Variants in ABCB1 observed in about 807,000 individuals in gnomAD.
ABCB1 encodes the protein ATP-dependent translocase ABCB1.
Under a neutral mutation model 142.0 loss-of-function variants are expected in ABCB1, and 69 were observed. The observed-to-expected ratio is 0.49, with a 90% CI of 0.40 to 0.59. The LOEUF (loss-of-function observed/expected upper bound fraction) is 0.59, where lower values mean the gene tolerates loss of function less well. Among genes scored for constraint, ABCB1 ranks in the 20% least tolerant of loss-of-function variants. The pLI, the probability that ABCB1 is intolerant of heterozygous loss-of-function variation, is 0.00. For missense variants in ABCB1, 1,326 were observed against 1,554.7 expected, an observed-to-expected ratio of 0.85 and a Z score of 2.47; for synonymous variants, 532 against 539.2, an observed-to-expected ratio of 0.99 and a Z score of 0.18.
At position 87,509,375 on chromosome 7, in the gene ABCB1, T is replaced by A. The variant is rs765229328; in HGVS notation, c.3389A>T (p.Asn1130Ile). The A allele has an allele frequency of 6.2e-7, 1 of 1,614,178 alleles. No homozygotes were observed. The highest frequency in any genetic ancestry group is 8.5e-7 in the Non-Finnish European group (1 of 1,180,024). ...PILFDCSIAE[N>I]IAYGDNSRVV... ...CCGGCTGTTGTCTCCATAGGCAATG[T>A]TCTCAGCAATGCTGCAGTCAAACAG... The change falls in exon 26 of 28, where the codon AAC becomes ATC. Residue 1130 changes from asparagine (N) to isoleucine (I), a missense_variant. Asn to Ile is a moderately radical substitution (Grantham distance 149, BLOSUM62 -3). Coordinates refer to ENST00000622132, the MANE Select transcript of ABCB1 (RefSeq NM_001348946.2).
At chr7:87,628,558 C>T in intron 1 of ABCB1, 1 of 319,566 alleles carries the variant, frequency 3.1e-6, no homozygotes, top group Non-Finnish European at 5.6e-6. Context: ...CGGCGGCGCG[C>T]CGAGGGCGGA....
At chr7:87,568,266 T>TAATAATAATAAAAA (rs377151956) in intron 5 of ABCB1, among the ~76,000 whole-genome samples, 6 of 145,644 alleles carry the variant, frequency 4.1e-5, no homozygotes, top group Non-Finnish European at 6.0e-5. Context: ...ATAATAATAA[T>TAATAATAATAAAAA]AAAAATTAGC....
intron 1 of ABCB1, among the ~76,000 whole-genome samples, chr7:87,661,348 G>C (rs913888506): frequency 2.0e-5 from 3 of 151,436 alleles, no homozygotes; most frequent in Non-Finnish European, 2.9e-5. Flanking sequence ...TCAAATACTA[G>C]ATCTTATTAG....
In ABCB1 at chr7:87,556,356, A is replaced by G. The variant is rs567540668; in HGVS notation, c.828-2424T>C. Among the ~76,000 whole-genome samples, 38 of 152,366 alleles carry G rather than the reference A, an allele frequency of 2.5e-4. 1 individual carries two copies. Among genetic ancestry groups the G allele is most frequent in the African/African-American group, 9.1e-4 (38 of 41,582 alleles). Reference sequence around the variant, plus strand: ...AAAGAGAGAAAAATATTTTTAAGTGAAAAGGAACAAAACTATTCTATACGA... The same window carrying G: ...AAAGAGAGAAAAATATTTTTAAGTGGAAAGGAACAAAACTATTCTATACGA... On this transcript the variant is annotated intron_variant, in intron 8 of 27. Coordinates refer to ENST00000622132, the MANE Select transcript of ABCB1 (RefSeq NM_001348946.2).
In ABCB1 at chr7:87,566,918, C is replaced by A; in HGVS notation, c.397G>T (p.Val133Phe). 1.9e-6 allele frequency: 3 copies of A among 1,614,104 alleles called. No individual in the cohort carries two copies. Among genetic ancestry groups the A allele is most frequent in the Non-Finnish European group, 2.5e-6 (3 of 1,179,998 alleles). ...AGVLVAAYIQ[V>F]SFWCLAAGRQ... Reference sequence around the variant, plus strand: ...CCAGCTGCCAGGCACCAAAATGAAACCTGAATGTAAGCAGCAACCAGCACC... The same window carrying A: ...CCAGCTGCCAGGCACCAAAATGAAAACTGAATGTAAGCAGCAACCAGCACC... The change falls in exon 6 of 28, where the codon GTT (valine) becomes TTT (phenylalanine). Residue 133 changes from valine to phenylalanine, a missense_variant. Physicochemically the swap from Val to Phe is conservative, Grantham distance 50. Transcript: ENST00000622132.
chr7:87,558,186 TGAATAG>T (rs1817386794), intron 8 of ABCB1, among the ~76,000 whole-genome samples: 1 of 152,214 alleles, frequency 6.6e-6, no homozygotes, highest in Non-Finnish European at 1.5e-5. Context: ...GTGCCCTTGG[TGAATAG>T]CAGAAGCAAA....
chr7:87,638,970 G>A (rs1044223672), intron 1 of ABCB1, among the ~76,000 whole-genome samples: 1 of 152,014 alleles, frequency 6.6e-6, no homozygotes, highest in African/African-American at 2.4e-5. Context: ...GGCTAACACG[G>A]TGAAACCCCG....
intron 1 of ABCB1, among the ~76,000 whole-genome samples, chr7:87,667,912 T>C (rs1825428271): frequency 6.6e-6 from 1 of 152,150 alleles, no homozygotes; most frequent in Non-Finnish European, 1.5e-5. Context: ...GATTTTTGTA[T>C]TGATGTTCAT....
At position 87,591,466 on chromosome 7, in the gene ABCB1, C is replaced by CGT. The variant is rs1022163158; in HGVS notation, c.117+4298_117+4299dup. ...CAGGTTGTGGTCAAAGACTGATACACGTGTGTGTGTGTTTATACCTTCATA... is the reference window on the plus strand; with the variant it reads ...CAGGTTGTGGTCAAAGACTGATACACGTGTGTGTGTGTGTTTATACCTTCATA... On this transcript the variant is annotated intron_variant, in intron 3 of 27. Transcript: ENST00000622132. Among the ~76,000 whole-genome samples the CGT allele has an allele frequency of 3.9e-5, 6 of 152,060 alleles. No individual in the cohort carries two copies. In the East Asian group the frequency reaches 1.2e-3, roughly 29 times the overall value.
chr7:87,706,848 A>G (rs1829640580), intron 1 of ABCB1, among the ~76,000 whole-genome samples: 1 of 152,208 alleles, frequency 6.6e-6, no homozygotes, highest in African/African-American at 2.4e-5. Flanking sequence ...AGCTCAAAGC[A>G]AAGTCCCATA....
intron 1 of ABCB1, chr7:87,650,992 T>G: frequency 9.8e-7 from 1 of 1,017,212 alleles, no homozygotes. Context: ...ATAATAAGCT[T>G]GAAATTTTAG....
intron 1 of ABCB1, among the ~76,000 whole-genome samples, chr7:87,654,418 A>G (rs1823880849): frequency 6.6e-6 from 1 of 152,132 alleles, no homozygotes; most frequent in African/African-American, 2.4e-5. Flanking sequence ...AGAACCCACA[A>G]ATAAATCCAT....
chr7:87,710,576 GC>G, intron 1 of ABCB1: 2 of 1,572,594 alleles, frequency 1.3e-6, no homozygotes, highest in Non-Finnish European at 8.7e-7. Flanking sequence ...TTAGGGTAGA[GC>G]CTGGATCAGA....
In ABCB1 at chr7:87,555,005, A is replaced by G. The variant is rs28381874; in HGVS notation, c.828-1073T>C. Reference sequence around the variant, plus strand: ...TCTAATGACTTACAGGTTATTCCCAACTGATAATTCAAATATTTTTTAAAC... The same window carrying G: ...TCTAATGACTTACAGGTTATTCCCAGCTGATAATTCAAATATTTTTTAAAC... On this transcript the variant is annotated intron_variant, in intron 8 of 27. Coordinates refer to ENST00000622132, the MANE Select transcript of ABCB1 (RefSeq NM_001348946.2). Among the ~76,000 whole-genome samples, 6 of 152,350 alleles carry G rather than the reference A, an allele frequency of 3.9e-5. No homozygotes were observed. The East Asian group carries it at 1.2e-3, about 29-fold the overall frequency.
rs562624546 is a variant in ABCB1, at chr7:87,619,768, A to G, written c.-330-18690T>C. 3.2e-3 allele frequency among the ~76,000 whole-genome samples: 484 copies of G among 150,478 alleles called. 2 individuals carry two copies. Among genetic ancestry groups the G allele is most frequent in the African/African-American group, 1.0e-2 (412 of 41,238 alleles). On this transcript the variant is annotated intron_variant, in intron 1 of 28. Coordinates refer to the ABCB1 transcript ENST00000265724. ...CACATGTGTGTGTGTGTGTGTGTATATATATATATATATGAATAAACTGAC... is the reference window on the plus strand; with the variant it reads ...CACATGTGTGTGTGTGTGTGTGTATGTATATATATATATGAATAAACTGAC...
chr7:87,510,979 T>C (rs1229471396), intron 25 of ABCB1, among the ~76,000 whole-genome samples: 1 of 152,112 alleles, frequency 6.6e-6, no homozygotes. Flanking sequence ...TTTGCTTTTG[T>C]TTTTGTTGTA....
intron 4 of ABCB1, among the ~76,000 whole-genome samples, chr7:87,577,077 C>G (rs962241063): frequency 6.6e-6 from 1 of 152,146 alleles, no homozygotes; most frequent in East Asian, 1.9e-4. Context: ...CCCCACTACA[C>G]TTCCCGGCCT....
rs190957488 is a variant in ABCB1, at chr7:87,563,249, T to A, written c.703-1862A>T. 3 of 323,146 alleles carry A rather than the reference T, an allele frequency of 9.3e-6. No homozygotes were observed. In the East Asian group the frequency reaches 2.6e-4, roughly 28 times the overall value. The allele number at this position is 323,146 out of a possible 1,614,324, so 20.0% of individuals were successfully genotyped here. A position where few individuals can be genotyped will look rare whatever the true frequency, so the allele number is the denominator to read the frequency against. On this transcript the variant is annotated intron_variant, in intron 7 of 27. Transcript: ENST00000622132. ...TGCCAAATGTAAAAAGAAGAGCTGA[T>A]ACCATTCCTACTGAAAATGTTCCAA...
chr7:87,708,833 A>T (rs1228575948), intron 1 of ABCB1, among the ~76,000 whole-genome samples: 1 of 152,146 alleles, frequency 6.6e-6, no homozygotes, highest in Non-Finnish European at 1.5e-5. Context: ...TCACACAATT[A>T]TTGGGAGGAT....
Sources: gnomAD v4.1 joint callset for allele counts (sites outside exome capture counted in the v4.1 genomes callset) on GRCh38, gnomAD v4.1.1 for gene constraint, MANE v1.5 for transcripts, NCBI Gene and HGNC (gene_info 2026-07-23, HGNC 2026-07-21) for gene names.